PCBP3: variants seen among roughly 807,000 people sequenced by gnomAD.
PCBP3 encodes poly(rC)-binding protein 3.
Under a neutral mutation model 52.7 loss-of-function variants are expected in PCBP3, and 25 were observed. That is an observed-to-expected ratio of 0.47 (90% CI 0.35 to 0.66). The LOEUF is 0.66. PCBP3 is among the 30% of genes least tolerant of loss of function. The pLI, the probability that PCBP3 is intolerant of heterozygous loss-of-function variation, is 0.01. For missense variants in PCBP3, 391 were observed against 490.3 expected, an observed-to-expected ratio of 0.80 and a Z score of 1.91; for synonymous variants, 162 against 183.0, an observed-to-expected ratio of 0.89 and a Z score of 0.93.
At chr21:45,774,305 G>A (rs1292698818) in intron 4 of PCBP3, among the ~76,000 whole-genome samples, 1 of 151,566 alleles carries the variant, frequency 6.6e-6, no homozygotes, top group Non-Finnish European at 1.5e-5. Flanking sequence ...TACTCGGGAG[G>A]CTGAGGCAGG....
At chr21:45,900,241 C>G (rs2095994399) in intron 7 of PCBP3, among the ~76,000 whole-genome samples, 1 of 152,206 alleles carries the variant, frequency 6.6e-6, no homozygotes, top group African/African-American at 2.4e-5. Context: ...GAGGCTGAGC[C>G]AGAGTGTAGC....
intron 2 of PCBP3, among the ~76,000 whole-genome samples, chr21:45,717,601 T>C (rs1048204645): frequency 1.3e-5 from 2 of 152,242 alleles, no homozygotes; most frequent in African/African-American, 2.4e-5. Flanking sequence ...CATGTGGTTT[T>C]TGTCCTTTAT....
intron 4 of PCBP3, among the ~76,000 whole-genome samples, chr21:45,825,386 G>A (rs2093279571): frequency 6.6e-6 from 1 of 152,170 alleles, no homozygotes; most frequent in African/African-American, 2.4e-5. Context: ...GCAAGGGAGA[G>A]TGTCCCCGCC....
chr21:45,754,590 C>T (rs942984966), intron 3 of PCBP3, among the ~76,000 whole-genome samples: 2 of 152,136 alleles, frequency 1.3e-5, no homozygotes, highest in Non-Finnish European at 2.9e-5. Context: ...TAGCATGACA[C>T]CTTGTATCTT....
intron 14 of PCBP3, among the ~76,000 whole-genome samples, chr21:45,930,197 T>G (rs982011277): frequency 6.6e-6 from 1 of 152,074 alleles, no homozygotes; most frequent in Non-Finnish European, 1.5e-5. Flanking sequence ...GCTCCCACTG[T>G]TGGGGGCTGG....
At chr21:45,844,472 C>T (rs1231539060) in intron 4 of PCBP3, among the ~76,000 whole-genome samples, 1 of 152,012 alleles carries the variant, frequency 6.6e-6, no homozygotes, top group East Asian at 1.9e-4. Flanking sequence ...TTGTTGCAGC[C>T]GCAGGACACC....
chr21:45,751,305 C>T (rs963430691), intron 3 of PCBP3, among the ~76,000 whole-genome samples: 10 of 152,186 alleles, frequency 6.6e-5, no homozygotes, highest in Non-Finnish European at 1.2e-4. Flanking sequence ...TATCTTGCTA[C>T]ATATGTTCTC....
chr21:45,712,826 C>T (rs9976490), intron 2 of PCBP3, among the ~76,000 whole-genome samples: 26,581 of 152,036 alleles, frequency 0.17, 2,492 homozygotes, highest in African/African-American at 0.23. Context: ...GCCACAGCCT[C>T]CTGAGTAGTT....
chr21:45,901,396 GCACGGCCTCAGAA>G (rs1444845555), intron 9 of PCBP3: 1 of 381,702 alleles, frequency 2.6e-6, no homozygotes, highest in Non-Finnish European at 5.0e-6. Context: ...GGGGCACCGA[GCACGGCCTCAGAA>G]CACCCCACCC....
intron 9 of PCBP3, among the ~76,000 whole-genome samples, chr21:45,902,313 G>GTAGGTGGCCTGGCCTCCAAGGCTGGACA: frequency 2.1e-5 from 1 of 48,630 alleles, no homozygotes; most frequent in African/African-American, 2.0e-4. Flanking sequence ...AAGGCTGGAC[G>GTAGGTGGCCTGGCCTCCAAGGCTGGACA]CTGCAGACAC....
At chr21:45,696,771 C>T (rs1261992023) in intron 2 of PCBP3, among the ~76,000 whole-genome samples, 1 of 148,750 alleles carries the variant, frequency 6.7e-6, no homozygotes, top group African/African-American at 2.5e-5. Context: ...AGCCTGGCCA[C>T]AGAGCAAGAC....
intron 2 of PCBP3, among the ~76,000 whole-genome samples, chr21:45,696,785 G>A (rs1569127156): frequency 6.8e-6 from 1 of 146,398 alleles, no homozygotes; most frequent in East Asian, 2.0e-4. Flanking sequence ...GCAAGACTCT[G>A]TCTCAAGAAA....
rs566033665 is a variant in PCBP3, at chr21:45,791,848, A to G, written c.-126+36396A>G. Among the ~76,000 whole-genome samples, 5 of 152,336 alleles carry G rather than the reference A, an allele frequency of 3.3e-5. No homozygotes were observed. Among genetic ancestry groups the G allele is most frequent in the African/African-American group, 1.2e-4 (5 of 41,584 alleles). Reference sequence around the variant, plus strand: ...AGGCTTAAATAATCCTAAAGCAACTATGTAGTTAGGTCCTGCTCCTGAAAG... The same window carrying G: ...AGGCTTAAATAATCCTAAAGCAACTGTGTAGTTAGGTCCTGCTCCTGAAAG... On this transcript the variant is annotated intron_variant, in intron 4 of 17. Coordinates refer to ENST00000681687, the MANE Select transcript of PCBP3 (RefSeq NM_001384156.1). The surrounding 1 kb of genome is among the most constrained non-coding windows in gnomAD (Gnocchi z 4.2).
chr21:45,664,938 A>G (rs918861815), intron 1 of PCBP3, among the ~76,000 whole-genome samples: 3 of 151,906 alleles, frequency 2.0e-5, no homozygotes, highest in Admixed American at 6.6e-5. Flanking sequence ...TGTTTTTCAT[A>G]TGGTTGTGTC....
chr21:45,927,602 A>G (rs913326772), intron 13 of PCBP3, among the ~76,000 whole-genome samples: 3 of 151,672 alleles, frequency 2.0e-5, no homozygotes, highest in Non-Finnish European at 4.4e-5. Context: ...ATGCTCCCCC[A>G]GCACCGCCCA....
chr21:45,777,418 G>A (rs2090339855), intron 4 of PCBP3, among the ~76,000 whole-genome samples: 1 of 152,100 alleles, frequency 6.6e-6, no homozygotes, highest in South Asian at 2.1e-4. Context: ...CATTGCGTCT[G>A]CCTGGGAATC....
At chr21:45,937,516 C>T (rs1336079742) in intron 16 of PCBP3, among the ~76,000 whole-genome samples, 3 of 152,184 alleles carry the variant, frequency 2.0e-5, no homozygotes, top group Admixed American at 6.5e-5. Flanking sequence ...ACAGTGGTCT[C>T]TAGGAGGAGA....
chr21:45,683,234 CA>C (rs1179831184), intron 2 of PCBP3, among the ~76,000 whole-genome samples: 2 of 152,124 alleles, frequency 1.3e-5, no homozygotes, highest in Non-Finnish European at 2.9e-5. Context: ...TGGTGATCCC[CA>C]CAAAGCTGTT....
At chr21:45,862,066 T>TG (rs1481362655) in intron 5 of PCBP3, among the ~76,000 whole-genome samples, 16 of 151,926 alleles carry the variant, frequency 1.1e-4, no homozygotes, top group Admixed American at 1.0e-3. Context: ...AAAAGGACCC[T>TG]GCTAGTTTTC....
Sources: allele counts gnomAD v4.1 joint callset (sites outside exome capture counted in the v4.1 genomes callset), GRCh38; gene constraint gnomAD v4.1.1; non-coding constraint Gnocchi (gnomAD v3.1); transcripts MANE v1.5; gene names NCBI Gene and HGNC (gene_info 2026-07-23, HGNC 2026-07-21).